The following POLR3F variants were observed in gnomAD, a reference collection of about 807,000 sequenced individuals.
The protein encoded by POLR3F is RNA polymerase III subunit F, also known as DNA-directed RNA polymerase III subunit RPC6.
A neutral mutation model predicts 43.6 loss-of-function variants in POLR3F; 31 were observed. That is an observed-to-expected ratio of 0.71 (90% CI 0.53 to 0.96). The LOEUF (loss-of-function observed/expected upper bound fraction) is 0.96. POLR3F is among the 40% of genes least tolerant of loss of function. The pLI is 0.00. For synonymous variants in POLR3F, 114 were observed against 132.5 expected, an observed-to-expected ratio of 0.86 and a Z score of 0.96; for missense variants, 316 against 391.7, an observed-to-expected ratio of 0.81 and a Z score of 1.63.
At chr20:18,467,629 ACC>A (rs1279175048) in intron 1 of POLR3F, 61 bp downstream of exon 1, 6 of 1,611,816 alleles carry the variant, frequency 3.7e-6, no homozygotes, top group Non-Finnish European at 5.1e-6. Flanking sequence ...GGGCAGCTGG[ACC>A]CCTTCTCCGG....
intron 7 of POLR3F, 89 bp from the exon 8 acceptor site, chr20:18,481,530 C>T (rs2059809546): frequency 2.0e-5 from 18 of 882,762 alleles, no homozygotes; most frequent in East Asian, 2.4e-5. Flanking sequence ...TGAGCCACTG[C>T]GCCCAGCAAC....
chr20:18,470,455 C>T (rs185675052), intron 2 of POLR3F, among the ~76,000 whole-genome samples: 4 of 152,340 alleles, frequency 2.6e-5, no homozygotes, highest in African/African-American at 9.6e-5. Context: ...GATGATGATA[C>T]ATAAACAAAT....
intron 4 of POLR3F, among the ~76,000 whole-genome samples, chr20:18,474,278 C>G (rs1056858131): frequency 1.3e-5 from 2 of 151,918 alleles, no homozygotes; most frequent in Non-Finnish European, 2.9e-5. Context: ...CCTAGGCTTC[C>G]TTTTCCATCT....
chr20:18,467,717 T>C (rs1466521156), intron 1 of POLR3F, 149 bp downstream of exon 1: 1 of 1,463,142 alleles, frequency 6.8e-7, no homozygotes, highest in African/African-American at 1.4e-5. Context: ...ACCCACTTGT[T>C]CCTTCCCATC....
At chr20:18,472,781 C>A in intron 2 of POLR3F, 61 bp from the exon 3 acceptor site, 2 of 747,924 alleles carry the variant, frequency 2.7e-6, no homozygotes, top group South Asian at 1.7e-5. Flanking sequence ...CAACATTTGT[C>A]ATTTGATTTA....
At chr20:18,469,180 A>G (rs750475289) in intron 2 of POLR3F, 119 bp downstream of exon 2, 21 of 682,436 alleles carry the variant, frequency 3.1e-5, no homozygotes, top group Non-Finnish European at 5.6e-5. Context: ...ATTCCTACAT[A>G]TCTAGTTAAA....
intron 4 of POLR3F, among the ~76,000 whole-genome samples, chr20:18,474,458 T>A (rs998691070): frequency 6.6e-6 from 1 of 152,186 alleles, no homozygotes; most frequent in Non-Finnish European, 1.5e-5. Context: ...AGGGTACAGA[T>A]GATAAAATTC....
chr20:18,480,336 T>TATAAAGTGTATTCAGAAA lies in POLR3F; in HGVS notation c.574-64_574-47dup, dbSNP rs372006837. 7.2e-4 allele frequency: 921 copies of TATAAAGTGTATTCAGAAA among 1,287,722 alleles called. 7 individuals carry two copies. The African/African-American group carries it at 0.011, about 16-fold the overall frequency. 79.8% of individuals were successfully genotyped at this position (1,287,722 alleles called of 1,614,324 possible). A position where few individuals can be genotyped will look rare whatever the true frequency, so the allele number is the denominator to read the frequency against. On this transcript the variant is annotated intron_variant, in intron 6 of 8. Transcript: ENST00000377603. The stretch of plus-strand genomic sequence containing the variant: ...ATGTTCTGTTGTTGGTTTGACTCAG[T>TATAAAGTGTATTCAGAAA]ATAAAGTGTATTCAGAAAACACACC...
At position 18,480,361 on chromosome 20, in the gene POLR3F, C is replaced by A; in HGVS notation, c.574-41C>A. ...TATAAAGTGTATTCAGAAAACACAC[C>A]AATATTCTTATTTACATTTCTTATG... On this transcript the variant is annotated intron_variant, in intron 6 of 8. Transcript: ENST00000377603. 4 of 1,397,774 alleles carry A rather than the reference C, an allele frequency of 2.9e-6. No individual in the cohort carries two copies. In the South Asian group the frequency reaches 4.7e-5, roughly 16 times the overall value. The allele number at this position is 1,397,774 out of a possible 1,614,324, so 86.6% of individuals were successfully genotyped here. A position where few individuals can be genotyped will look rare whatever the true frequency, so the allele number is the denominator to read the frequency against.
chr20:18,470,375 T>C (rs1420474073), intron 2 of POLR3F, among the ~76,000 whole-genome samples: 2 of 152,234 alleles, frequency 1.3e-5, no homozygotes, highest in Non-Finnish European at 2.9e-5. Flanking sequence ...AGACAGTATA[T>C]GTTTTAGGCT....
chr20:18,477,272 A>G (rs1391646523), intron 5 of POLR3F, among the ~76,000 whole-genome samples: 1 of 152,186 alleles, frequency 6.6e-6, no homozygotes, highest in East Asian at 1.9e-4. Flanking sequence ...CACCTATTAG[A>G]ATAGCTAAAA....
At chr20:18,468,523 A>C (rs896508185) in intron 1 of POLR3F, among the ~76,000 whole-genome samples, 10 of 152,306 alleles carry the variant, frequency 6.6e-5, no homozygotes, top group African/African-American at 2.4e-4. Context: ...GTATAATTCC[A>C]AAAACAGGCC....
intron 5 of POLR3F, 42 bp from the exon 6 acceptor site, chr20:18,479,996 T>A (rs770907796): frequency 6.7e-7 from 1 of 1,501,984 alleles, no homozygotes; most frequent in South Asian, 1.3e-5. Context: ...TTTTGGAAAT[T>A]GTTATCTTAT....
chr20:18,467,593 G>T, intron 1 of POLR3F, 25 bp downstream of exon 1: 2 of 1,614,146 alleles, frequency 1.2e-6, no homozygotes, highest in Non-Finnish European at 1.7e-6. Context: ...CTCCGGCTTG[G>T]CACTCCATCA....
chr20:18,481,408 A>ATTC (rs10623960), intron 7 of POLR3F, among the ~76,000 whole-genome samples: 150,925 of 152,260 alleles, frequency 0.99, 74,803 homozygotes, highest in East Asian at 1. Flanking sequence ...TACCCAGCTA[A>ATTC]TTGTATTTTT....
intron 3 of POLR3F, 132 bp downstream of exon 3, chr20:18,473,041 T>C (rs1052052725): frequency 4.4e-6 from 2 of 452,930 alleles, no homozygotes; most frequent in Admixed American, 8.0e-5. Context: ...ATATTCCATT[T>C]CCCAGAGGTA....
chr20:18,482,623 C>CTCCT, intron 8 of POLR3F, among the ~76,000 whole-genome samples: 1 of 152,142 alleles, frequency 6.6e-6, no homozygotes, highest in Non-Finnish European at 1.5e-5. Context: ...CCCAGCACTC[C>CTCCT]TCCTTCATTC....
intron 5 of POLR3F, among the ~76,000 whole-genome samples, chr20:18,479,142 G>A (rs754947081): frequency 3.3e-5 from 5 of 149,802 alleles, no homozygotes; most frequent in East Asian, 2.0e-4. Flanking sequence ...GCGAAACTCC[G>A]TTTCAAAAAA....
In POLR3F at chr20:18,473,410, A is replaced by C; in HGVS notation, c.268A>C (p.Asn90His). Residue 90 changes from asparagine to histidine, a missense_variant, in exon 4 of 9, where the codon AAC becomes CAC. Physicochemically the swap from Asn to His is moderately conservative, Grantham distance 68 (BLOSUM62 1). Around this residue, in one of 3 missense-constraint regions of POLR3F, gnomAD observed 122 missense variants for 133.8 expected, o/e 0.91. Transcript: ENST00000377603. ...QNAGKMKGSD[N>H]QEKLVYQIIE... ...CTACAGTAAAATGAAGGGATCCGAT[A>C]ACCAAGAAAAACTAGTATATCAAAT... 2 of 1,431,276 alleles carry C rather than the reference A, an allele frequency of 1.4e-6. No homozygotes were observed. The highest frequency in any genetic ancestry group is 2.0e-6 in the Non-Finnish European group (2 of 1,014,234). 88.7% of individuals were successfully genotyped at this position (1,431,276 alleles called of 1,614,324 possible).
Sources: gnomAD v4.1 joint callset for allele counts (sites outside exome capture counted in the v4.1 genomes callset) on GRCh38, gnomAD v4.1.1 for gene constraint, gnomAD v4.1.1 regional missense constraint, MANE v1.5 for transcripts, NCBI Gene and HGNC (gene_info 2026-07-23, HGNC 2026-07-21) for gene names.